Variants in LSAMP observed in about 807,000 individuals in gnomAD.
LSAMP encodes limbic system associated membrane protein.
In LSAMP, 7 loss-of-function variants were observed where a neutral mutation model predicts 38.6. That is an observed-to-expected ratio of 0.18 (90% CI 0.10 to 0.34). The LOEUF is 0.34. Among genes scored for constraint, LSAMP ranks in the 10% least tolerant of loss-of-function variants. The probability of loss-of-function intolerance (pLI) is 1.00; values close to 1 mark genes in which losing one functional copy is unlikely to be tolerated. For missense variants in LSAMP, 313 were observed against 420.0 expected, an observed-to-expected ratio of 0.75 and a Z score of 2.23; for synonymous variants, 154 against 166.8, an observed-to-expected ratio of 0.92 and a Z score of 0.59.
chr3:116,350,549 C>T (rs1250362091), intron 1 of LSAMP, among the ~76,000 whole-genome samples: 1 of 151,968 alleles, frequency 6.6e-6, no homozygotes, highest in African/African-American at 2.4e-5. Context: ...CCTGCTCATC[C>T]CTGCATTAGT....
In LSAMP at chr3:116,019,634, G is replaced by T. The variant is rs1199428631; in HGVS notation, c.395C>A (p.Pro132Gln). The T allele has an allele frequency of 6.2e-7, 1 of 1,611,574 alleles. No individual in the cohort carries two copies. The highest frequency in any genetic ancestry group is 8.5e-7 in the Non-Finnish European group (1 of 1,178,306). The change falls in exon 3 of 7, where the codon CCA (proline) becomes CAA (glutamine). Residue 132 changes from proline to glutamine, a missense_variant. Pro to Gln is a moderately conservative substitution (Grantham distance 76). Coordinates refer to ENST00000490035, the MANE Select transcript of LSAMP (RefSeq NM_002338.5). ...ATCCGAGGAGATATTGGAGATCTTT[G>T]GTGGGACTGTGAAAACAAAAGGAAA... ...SQVYLIVQVP[P>Q]KISNISSDVT... is the part of the protein sequence containing the mutation.
At chr3:116,405,097 A>G (rs2048883753) in intron 1 of LSAMP, among the ~76,000 whole-genome samples, 2 of 152,146 alleles carry the variant, frequency 1.3e-5, no homozygotes, top group Non-Finnish European at 2.9e-5. Flanking sequence ...CGCAAGTAAT[A>G]TATTTGCTTC....
At chr3:115,969,100 C>G (rs911080146) in intron 3 of LSAMP, among the ~76,000 whole-genome samples, 1 of 152,148 alleles carries the variant, frequency 6.6e-6, no homozygotes, top group African/African-American at 2.4e-5. Flanking sequence ...CTTTCCTACC[C>G]GCTTCAGTGC....
At chr3:115,895,632 T>C (rs74849320) in intron 3 of LSAMP, among the ~76,000 whole-genome samples, 1 of 152,156 alleles carries the variant, frequency 6.6e-6, no homozygotes, top group East Asian at 1.9e-4. Flanking sequence ...GAGAGTAGTA[T>C]GATGAGGAGG....
intron 1 of LSAMP, among the ~76,000 whole-genome samples, chr3:116,261,822 T>A (rs1443560266): frequency 6.6e-6 from 1 of 150,654 alleles, no homozygotes; most frequent in African/African-American, 2.4e-5. Context: ...GTGTGTATTA[T>A]TGATATGTTA....
At chr3:115,838,345 C>T (rs917541486) in intron 6 of LSAMP, among the ~76,000 whole-genome samples, 9 of 152,176 alleles carry the variant, frequency 5.9e-5, no homozygotes, top group African/African-American at 2.2e-4. Flanking sequence ...ACAAGATAAA[C>T]CTATCTATCA....
chr3:115,820,628 C>G (rs746588909), intron 6 of LSAMP, among the ~76,000 whole-genome samples: 1 of 152,218 alleles, frequency 6.6e-6, no homozygotes, highest in Non-Finnish European at 1.5e-5. Context: ...TTCAACCTCT[C>G]TTATTGGCAT....
intron 1 of LSAMP, among the ~76,000 whole-genome samples, chr3:116,186,134 C>T (rs900065285): frequency 6.6e-6 from 1 of 152,028 alleles, no homozygotes; most frequent in Non-Finnish European, 1.5e-5. Flanking sequence ...GTGTGTCTGG[C>T]TATGTCAGGC....
chr3:116,294,556 T>C (rs1404654315), intron 1 of LSAMP, among the ~76,000 whole-genome samples: 1 of 152,190 alleles, frequency 6.6e-6, no homozygotes, highest in East Asian at 1.9e-4. Context: ...ATAGCAGCAG[T>C]GATTTTTAAA....
intron 1 of LSAMP, among the ~76,000 whole-genome samples, chr3:116,311,750 C>T (rs1275150400): frequency 6.6e-6 from 1 of 152,124 alleles, no homozygotes; most frequent in East Asian, 1.9e-4. Context: ...TAAGGTGATG[C>T]ACCTTGAAGG....
Position 115,808,104 on chromosome 3 carries a change from TCCTTCCTCCCTCCCTCCCTCCCTCCCTC to T in LSAMP, c.*2185_*2212del, listed in dbSNP as rs1933675452. ...CTTTCTCCTTCCTTCCTTCCTTCCT[TCCTTCCTCCCTCCCTCCCTCCCTCCCTC>T]CCTCCCTCCCTCCCTCCCCCCCTTC... On this transcript the variant is annotated 3_prime_UTR_variant, in exon 7 of 7. Transcript: ENST00000490035. 1.1e-5 allele frequency: 1 copy of T among 92,054 alleles called. No individual in the cohort carries two copies. Among genetic ancestry groups the T allele is most frequent in the African/African-American group, 5.0e-5 (1 of 19,882 alleles). 5.7% of individuals were successfully genotyped at this position (92,054 alleles called of 1,614,324 possible).
chr3:115,959,533 A>T lies in LSAMP; in HGVS notation c.514+59982T>A, dbSNP rs190749851. Reference sequence around the variant, plus strand: ...CCTGATTTAGGAAATGGTTGCTTTTATACAATAAAATGTAGTAGTTCGGAG... The same window carrying T: ...CCTGATTTAGGAAATGGTTGCTTTTTTACAATAAAATGTAGTAGTTCGGAG... On this transcript the variant is annotated intron_variant, in intron 3 of 6. Coordinates refer to ENST00000490035, the MANE Select transcript of LSAMP (RefSeq NM_002338.5). Among the ~76,000 whole-genome samples, 6 of 152,384 alleles carry T rather than the reference A, an allele frequency of 3.9e-5. No homozygotes were observed. The East Asian group carries it at 1.2e-3, about 29-fold the overall frequency.
chr3:116,048,142 TAC>T (rs1177625100), intron 2 of LSAMP, among the ~76,000 whole-genome samples: 1 of 152,232 alleles, frequency 6.6e-6, no homozygotes, highest in Non-Finnish European at 1.5e-5. Flanking sequence ...TGCCACTGAA[TAC>T]AACTATCTGG....
At chr3:116,243,518 G>A (rs1322411118) in intron 1 of LSAMP, among the ~76,000 whole-genome samples, 1 of 152,242 alleles carries the variant, frequency 6.6e-6, no homozygotes, top group Admixed American at 6.5e-5. Flanking sequence ...GATTGAAATA[G>A]AATTCAAATA....
chr3:116,349,908 T>G (rs980357690), intron 1 of LSAMP, among the ~76,000 whole-genome samples: 1 of 152,034 alleles, frequency 6.6e-6, no homozygotes, highest in Non-Finnish European at 1.5e-5. Context: ...TTTCTGAACA[T>G]GTGCATATGT....
chr3:115,953,278 C>A (rs1160049630), intron 3 of LSAMP, among the ~76,000 whole-genome samples: 1 of 152,028 alleles, frequency 6.6e-6, no homozygotes. Flanking sequence ...GGCAAATTCT[C>A]ATTTTGAGCC....
intron 1 of LSAMP, among the ~76,000 whole-genome samples, chr3:116,221,021 C>T (rs1293681951): frequency 2.0e-5 from 3 of 151,748 alleles, no homozygotes; most frequent in Non-Finnish European, 2.9e-5. Flanking sequence ...GGCGTGGTGG[C>T]GGGCGCCTGT....
intron 6 of LSAMP, among the ~76,000 whole-genome samples, chr3:115,828,080 G>A (rs1934484247): frequency 6.6e-6 from 1 of 152,170 alleles, no homozygotes; most frequent in Non-Finnish European, 1.5e-5. Context: ...ATAAGGGCTT[G>A]GTGGTGCTTG....
chr3:116,219,046 C>A (rs994294970), intron 1 of LSAMP, among the ~76,000 whole-genome samples: 2 of 152,182 alleles, frequency 1.3e-5, no homozygotes, highest in African/African-American at 4.8e-5. Flanking sequence ...TAGTACAATA[C>A]AGATCTCTAA....
Sources: gnomAD v4.1 joint callset for allele counts (sites outside exome capture counted in the v4.1 genomes callset) on GRCh38, gnomAD v4.1.1 for gene constraint, MANE v1.5 for transcripts, NCBI Gene and HGNC (gene_info 2026-07-23, HGNC 2026-07-21) for gene names.